Variants in UPF2 observed in about 807,000 individuals in gnomAD.
UPF2 encodes the protein regulator of nonsense transcripts 2.
Under a neutral mutation model 141.4 loss-of-function variants are expected in UPF2, and 17 were observed. The observed-to-expected ratio is 0.12, with a 90% CI of 0.08 to 0.18. The LOEUF is 0.18. Ranked by LOEUF, UPF2 falls within the 10% of genes least tolerant of loss-of-function variation. The pLI is 1.00. For missense variants in UPF2, 1,152 were observed against 1,515.9 expected (o/e 0.76, Z 3.99); for synonymous variants, 540 against 498.0 (o/e 1.08, Z -1.12).
Position 12,006,522 on chromosome 10 carries a change from C to T in UPF2, c.1307-1795G>A, listed in dbSNP as rs146339752. Among the ~76,000 whole-genome samples, 250 of 152,180 alleles carry T rather than the reference C, an allele frequency of 1.6e-3. 1 individual carries two copies. Among genetic ancestry groups the T allele is most frequent in the African/African-American group, 5.6e-3 (232 of 41,508 alleles). ...AAAAACAAAAAAAACACTGGCTCCT[C>T]GAAACTCCTTACTTTCCTTACAGAA... On this transcript the variant is annotated intron_variant, in intron 4 of 21. Transcript: ENST00000357604.
rs1283275075 is a variant in UPF2 at position 11,956,728 on chromosome 10, T to C, written c.2371-205A>G. Among the ~76,000 whole-genome samples, 1 of 152,192 alleles carries C rather than the reference T, an allele frequency of 6.6e-6. No homozygotes were observed. On this transcript the variant is annotated intron_variant, in intron 12 of 21. Transcript: ENST00000357604. This position sits in a 1 kb window ranked among gnomAD's most constrained non-coding sequence, Gnocchi z 4.2. ...TTATCATCTTTCCTAAATCCTTCCATAGTGCTCTCAAATTTTCTAGAGTTT... is the reference window on the plus strand; with the variant it reads ...TTATCATCTTTCCTAAATCCTTCCACAGTGCTCTCAAATTTTCTAGAGTTT...
At chr10:12,043,016 G>A (rs958307676), upstream of UPF2, 3 of 152,258 alleles carry the variant, frequency 2.0e-5, no homozygotes, top group African/African-American at 7.2e-5. Context: ...CGTCTTCCCT[G>A]CGGCATGCCG....
intron 3 of UPF2, among the ~76,000 whole-genome samples, chr10:12,015,003 A>T (rs899540088): frequency 2.0e-5 from 3 of 152,224 alleles, no homozygotes; most frequent in African/African-American, 7.2e-5. Context: ...AAAACTACTG[A>T]AAACACCAAA....
intron 21 of UPF2, among the ~76,000 whole-genome samples, chr10:11,923,999 T>G (rs919866252): frequency 6.6e-6 from 1 of 152,182 alleles, no homozygotes; most frequent in Non-Finnish European, 1.5e-5. Context: ...CCCATATGAA[T>G]TAGTACCATC....
intron 4 of UPF2, among the ~76,000 whole-genome samples, chr10:12,010,187 A>ATT (rs1256813874): frequency 6.6e-6 from 1 of 152,234 alleles, no homozygotes; most frequent in Non-Finnish European, 1.5e-5. Flanking sequence ...GCTTAATGAT[A>ATT]TTTATAAGAA....
intron 3 of UPF2, 87 bp downstream of exon 3, chr10:12,028,658 G>A: frequency 1.4e-5 from 19 of 1,389,256 alleles, no homozygotes; most frequent in Non-Finnish European, 1.8e-5. Context: ...TTTTCCATAA[G>A]TTCTTTCAGT....
At chr10:12,010,710 T>C (rs1178224803) in intron 4 of UPF2, among the ~76,000 whole-genome samples, 1 of 151,998 alleles carries the variant, frequency 6.6e-6, no homozygotes, top group Non-Finnish European at 1.5e-5. Flanking sequence ...TGATGATAAC[T>C]ATACACCCAC....
At chr10:12,029,974 A>G in intron 2 of UPF2, among the ~76,000 whole-genome samples, 1 of 151,912 alleles carries the variant, frequency 6.6e-6, no homozygotes, top group Non-Finnish European at 1.5e-5. Context: ...AAAAAAACAA[A>G]AAAAAAACAC....
At position 12,001,661 on chromosome 10, in the gene UPF2, A is replaced by G. The variant is rs535440874; in HGVS notation, c.1654+15T>C. The G allele has an allele frequency of 3.9e-5, 62 of 1,582,618 alleles. 1 individual carries two copies. The South Asian group carries it at 6.8e-4, about 17-fold the overall frequency. On this transcript the variant is annotated intron_variant, in intron 6 of 21. Transcript: ENST00000357604. ...AAACCAATTAAAAATGAAAGTTGGT[A>G]AATTAGTTCTTTACCTTGTTCATCA...
chr10:12,041,931 G>A (rs944913101), intron 1 of UPF2, among the ~76,000 whole-genome samples: 1 of 152,158 alleles, frequency 6.6e-6, no homozygotes, highest in African/African-American at 2.4e-5. Context: ...GATCACCCCA[G>A]CGTGGACCCA....
rs778303600 is a variant in UPF2, at chr10:11,921,292, G to C, written c.*6C>G. ...AGGACCTAATGAAATGACACGTGCTGCTGGATCAACGTCTCCTAAAGGAAC... is the reference window on the plus strand; with the variant it reads ...AGGACCTAATGAAATGACACGTGCTCCTGGATCAACGTCTCCTAAAGGAAC... On this transcript the variant is annotated 3_prime_UTR_variant, in exon 22 of 22. Transcript: ENST00000357604. The surrounding 1 kb of genome is among the most constrained non-coding windows in gnomAD (Gnocchi z 5.9). The C allele has an allele frequency of 1.3e-5, 21 of 1,614,150 alleles. No homozygotes were observed. The Admixed American group carries it at 3.5e-4, about 27-fold the overall frequency.
intron 1 of UPF2, among the ~76,000 whole-genome samples, chr10:12,041,365 G>A (rs1834731249): frequency 6.6e-6 from 1 of 151,780 alleles, no homozygotes; most frequent in South Asian, 2.1e-4. Context: ...CCCTTAAAAG[G>A]AAACCATGCT....
rs550983580 is a variant in UPF2, at chr10:11,957,746, G to A, written c.2371-1223C>T. 2.0e-4 allele frequency among the ~76,000 whole-genome samples: 31 copies of A among 152,176 alleles called. 1 individual carries two copies. The highest frequency in any genetic ancestry group is 1.6e-3 in the Admixed American group (25 of 15,288). On this transcript the variant is annotated intron_variant, in intron 12 of 21. Coordinates refer to ENST00000357604, the MANE Select transcript of UPF2 (RefSeq NM_015542.4). ...TTGGCCAGGCTAGTCTCGAATTCCCGGCCTCAAGTGATCTGCCCACCTCGG... is the reference window on the plus strand; with the variant it reads ...TTGGCCAGGCTAGTCTCGAATTCCCAGCCTCAAGTGATCTGCCCACCTCGG...
intron 8 of UPF2, among the ~76,000 whole-genome samples, chr10:11,994,537 T>C (rs563172699): frequency 6.6e-6 from 1 of 152,344 alleles, no homozygotes; most frequent in Non-Finnish European, 1.5e-5. Flanking sequence ...CATATAATGT[T>C]TTCTACTTCT....
chr10:11,963,827 G>A (rs896939347), intron 11 of UPF2, among the ~76,000 whole-genome samples, 182 bp downstream of exon 11: 15 of 152,202 alleles, frequency 9.9e-5, no homozygotes, highest in African/African-American at 3.6e-4. Flanking sequence ...GTAGCCAAGT[G>A]AGAAAAATGT....
rs1588523774 is a variant in UPF2 at position 11,931,286 on chromosome 10, T to C, written c.3688+355A>G. Among the ~76,000 whole-genome samples, 1 of 152,224 alleles carries C rather than the reference T, an allele frequency of 6.6e-6. No individual in the cohort carries two copies. The highest frequency in any genetic ancestry group is 2.4e-5 in the African/African-American group (1 of 41,458). ...ACACTCTATGATGTTTGCACAATGA[T>C]GAAATTGCCTAATGTCACATTTTTT... On this transcript the variant is annotated intron_variant, in intron 20 of 21. Transcript: ENST00000357604. This position sits in a 1 kb window ranked among gnomAD's most constrained non-coding sequence, Gnocchi z 5.9.
chr10:12,011,551 G>T (rs1834128043), intron 4 of UPF2, among the ~76,000 whole-genome samples: 2 of 151,202 alleles, frequency 1.3e-5, no homozygotes, highest in Admixed American at 6.6e-5. Context: ...CAGTGAGCCG[G>T]GACTGCACCA....
At chr10:11,963,204 A>G (rs1833267052) in intron 11 of UPF2, among the ~76,000 whole-genome samples, 1 of 152,118 alleles carries the variant, frequency 6.6e-6, no homozygotes, top group Non-Finnish European at 1.5e-5. Context: ...GCCCTCCATT[A>G]CAGCACCTAC....
chr10:11,972,794 T>G (rs1025428008), intron 9 of UPF2, among the ~76,000 whole-genome samples: 2 of 152,176 alleles, frequency 1.3e-5, no homozygotes, highest in African/African-American at 4.8e-5. Context: ...TGATGGGCAT[T>G]TGGGTTGGTT....
Sources: allele counts gnomAD v4.1 joint callset (sites outside exome capture counted in the v4.1 genomes callset), GRCh38; gene constraint gnomAD v4.1.1; non-coding constraint Gnocchi (gnomAD v3.1); transcripts MANE v1.5; gene names NCBI Gene and HGNC (gene_info 2026-07-23, HGNC 2026-07-21).